The following CD2AP variants were observed in gnomAD, a reference collection of about 807,000 sequenced individuals.
The protein encoded by CD2AP is CD2-associated protein.
In CD2AP, 46 loss-of-function variants were observed where a neutral mutation model predicts 85.1. The ratio of observed to expected loss-of-function variants is 0.54; its 90% CI spans 0.43 to 0.69. CD2AP has a LOEUF of 0.69. Among genes scored for constraint, CD2AP ranks in the 30% least tolerant of loss-of-function variants. The pLI, the probability that CD2AP is intolerant of heterozygous loss-of-function variation, is 0.00. For missense variants in CD2AP, 769 were observed against 729.5 expected (o/e 1.05, Z -0.62); for synonymous variants, 255 against 252.9 (o/e 1.01, Z -0.08).
chr6:47,481,203 G>T (rs1034790595), intron 1 of CD2AP, among the ~76,000 whole-genome samples: 1 of 152,180 alleles, frequency 6.6e-6, no homozygotes, highest in Admixed American at 6.5e-5. Flanking sequence ...AGGAATATTT[G>T]TGAATTTTTA....
intron 11 of CD2AP, among the ~76,000 whole-genome samples, chr6:47,590,527 T>C (rs1768765967): frequency 6.6e-6 from 1 of 152,164 alleles, no homozygotes; most frequent in African/African-American, 2.4e-5. Flanking sequence ...CACAGATTTT[T>C]TTCAGCCTAA....
chr6:47,529,196 C>G (rs981136128), intron 2 of CD2AP, among the ~76,000 whole-genome samples: 7 of 92,478 alleles, frequency 7.6e-5, no homozygotes, highest in Non-Finnish European at 1.4e-4. Context: ...CCCCCCCCCC[C>G]CCCCAACTTA....
chr6:47,533,524 T>G, intron 2 of CD2AP, 78 bp from the exon 3 acceptor site: 1 of 1,348,470 alleles, frequency 7.4e-7, no homozygotes, highest in Non-Finnish European at 1.0e-6. Flanking sequence ...TGTAGCTATT[T>G]TTTGGTATTT....
intron 2 of CD2AP, among the ~76,000 whole-genome samples, chr6:47,515,113 A>T (rs1347807490): frequency 6.6e-6 from 1 of 152,032 alleles, no homozygotes; most frequent in Non-Finnish European, 1.5e-5. Context: ...AGGAGTACTG[A>T]GTGCATTGTA....
At position 47,612,518 on chromosome 6, in the gene CD2AP, A is replaced by G. The variant is rs1237214794; in HGVS notation, c.1860A>G (p.Thr620=). The G allele has an allele frequency of 1.7e-5, 28 of 1,606,840 alleles. No individual in the cohort carries two copies. The highest frequency in any genetic ancestry group is 2.3e-5 in the Non-Finnish European group (27 of 1,173,840). ...GAAAAGATTTGGAAGAAGAGAAGAC[A>G]ATGAGAAGTAATCTAGAGGTAATTA... The part of the protein sequence containing the change: ...KLRKDLEEEK[T]MRSNLEMEIE... The change falls in exon 17 of 18, where the codon ACA becomes ACG. Residue 620 remains threonine (T), a synonymous_variant. Coordinates refer to ENST00000359314, the MANE Select transcript of CD2AP (RefSeq NM_012120.3).
intron 1 of CD2AP, among the ~76,000 whole-genome samples, chr6:47,497,122 T>G (rs1456346192): frequency 3.3e-5 from 5 of 150,814 alleles, no homozygotes; most frequent in African/African-American, 9.7e-5. Flanking sequence ...AAATAATTAC[T>G]TTCACATTAT....
chr6:47,622,814 C>G (rs902475195), intron 17 of CD2AP, among the ~76,000 whole-genome samples: 2 of 152,178 alleles, frequency 1.3e-5, no homozygotes, highest in African/African-American at 4.8e-5. Context: ...TCTCCGCATG[C>G]TGTTCTGTCT....
intron 2 of CD2AP, among the ~76,000 whole-genome samples, chr6:47,514,750 G>C (rs1766410830): frequency 6.6e-6 from 1 of 152,136 alleles, no homozygotes; most frequent in African/African-American, 2.4e-5. Flanking sequence ...CTTTCAGAAA[G>C]GGGATTAAAA....
intron 2 of CD2AP, among the ~76,000 whole-genome samples, chr6:47,528,484 A>G (rs1766785885): frequency 6.6e-6 from 1 of 152,190 alleles, no homozygotes; most frequent in Non-Finnish European, 1.5e-5. Flanking sequence ...CAGTTCATTT[A>G]TTATATATGG....
chr6:47,614,247 C>T (rs568768914), intron 17 of CD2AP, among the ~76,000 whole-genome samples: 114 of 152,328 alleles, frequency 7.5e-4, no homozygotes, highest in African/African-American at 2.2e-3. Flanking sequence ...AGGCCAATCT[C>T]TTGACCTGCT....
chr6:47,562,873 C>T, intron 5 of CD2AP: 1 of 785,804 alleles, frequency 1.3e-6, no homozygotes, highest in East Asian at 2.4e-5. Context: ...CAACAAGCAA[C>T]TGTAGGGGAA....
chr6:47,511,241 G>A (rs778813991), intron 2 of CD2AP, among the ~76,000 whole-genome samples: 2 of 152,078 alleles, frequency 1.3e-5, no homozygotes, highest in Non-Finnish European at 2.9e-5. Flanking sequence ...CACCTTTGTG[G>A]TATTCTTCCC....
chr6:47,530,441 G>A (rs571659501), intron 2 of CD2AP, among the ~76,000 whole-genome samples: 1 of 152,216 alleles, frequency 6.6e-6, no homozygotes, highest in East Asian at 1.9e-4. Context: ...TATTTTCTAA[G>A]ATTTTTAATG....
rs529083969 is a variant in CD2AP at position 47,592,337 on chromosome 6, CA to C, written c.1109-3519del. Among the ~76,000 whole-genome samples, 37 of 152,058 alleles carry C rather than the reference CA, an allele frequency of 2.4e-4. No homozygotes were observed. The East Asian group carries it at 6.6e-3, about 27-fold the overall frequency. On this transcript the variant is annotated intron_variant, in intron 11 of 17. Coordinates refer to ENST00000359314, the MANE Select transcript of CD2AP (RefSeq NM_012120.3). The stretch of plus-strand genomic sequence containing the variant: ...TTGGAGCCCTACCCCACACTGTAAG[CA>C]AAAAGTAACTGAAAATGGATCATTG...
intron 13 of CD2AP, among the ~76,000 whole-genome samples, chr6:47,605,053 G>A (rs111240397): frequency 1.9e-3 from 294 of 152,064 alleles, no homozygotes; most frequent in African/African-American, 6.9e-3. Context: ...GTGATGATGA[G>A]TATCTTTAGA....
chr6:47,589,565 C>CACACATATATATATATATATATATATAT lies in CD2AP; in HGVS notation c.1109-6295_1109-6294insCACATATATATATATATATATATATATA, dbSNP rs139814970. On this transcript the variant is annotated intron_variant, in intron 11 of 17. Coordinates refer to ENST00000359314, the MANE Select transcript of CD2AP (RefSeq NM_012120.3). ...ACACATATATATACACACACACACA[C>CACACATATATATATATATATATATATAT]ATATATATATATATATTTGTCAGAG... Among the ~76,000 whole-genome samples the CACACATATATATATATATATATATATAT allele has an allele frequency of 9.5e-4, 115 of 120,928 alleles. 1 individual carries two copies. The highest frequency in any genetic ancestry group is 2.1e-3 in the South Asian group (7 of 3,280). The allele number at this position is 120,928 out of a possible 152,430, so 79.3% of individuals were successfully genotyped here.
At chr6:47,567,564 G>A (rs777434963) in intron 5 of CD2AP, among the ~76,000 whole-genome samples, 2 of 152,148 alleles carry the variant, frequency 1.3e-5, no homozygotes, top group African/African-American at 2.4e-5. Flanking sequence ...TTTGTTACAG[G>A]AAAGGGTGCA....
intron 3 of CD2AP, among the ~76,000 whole-genome samples, chr6:47,535,844 C>A (rs1767027709): frequency 6.6e-6 from 1 of 152,122 alleles, no homozygotes; most frequent in African/African-American, 2.4e-5. Context: ...TAGTAAAATC[C>A]ATTTACAACT....
At chr6:47,495,918 A>G (rs116506164) in intron 1 of CD2AP, among the ~76,000 whole-genome samples, 2,495 of 152,312 alleles carry the variant, frequency 0.016, 34 homozygotes, top group Non-Finnish European at 0.027. Context: ...CTTATACCAT[A>G]CAAGGATCTT....
Sources: gnomAD v4.1 joint callset for allele counts (sites outside exome capture counted in the v4.1 genomes callset) on GRCh38, gnomAD v4.1.1 for gene constraint, MANE v1.5 for transcripts, NCBI Gene and HGNC (gene_info 2026-07-23, HGNC 2026-07-21) for gene names.